Variants in DCDC2C observed in about 807,000 individuals in gnomAD.
The protein encoded by DCDC2C is doublecortin domain-containing protein 2C.
Under a neutral mutation model 45.0 loss-of-function variants are expected in DCDC2C, and 44 were observed. The ratio of observed to expected loss-of-function variants is 0.98; its 90% CI spans 0.77 to 1.26. DCDC2C has a LOEUF of 1.26. DCDC2C is among the 50% of genes most tolerant of loss of function. DCDC2C has a pLI of 0.00. For synonymous variants in DCDC2C, 187 were observed against 178.8 expected (o/e 1.05, Z -0.37); for missense variants, 447 against 468.9 (o/e 0.95, Z 0.43).
intron 1 of DCDC2C, among the ~76,000 whole-genome samples, chr2:3,704,764 G>T (rs1336493157): frequency 6.7e-6 from 1 of 150,252 alleles, no homozygotes; most frequent in African/African-American, 2.5e-5. Flanking sequence ...GGAATGGGGC[G>T]GGTTGGGCAG....
chr2:3,819,552 G>C (rs529491536), intron 10 of DCDC2C, among the ~76,000 whole-genome samples: 1 of 152,162 alleles, frequency 6.6e-6, no homozygotes, highest in Non-Finnish European at 1.5e-5. Flanking sequence ...TTTGAGGGCC[G>C]GAATCTAATT....
chr2:3,789,061 A>G (rs1254350808), intron 10 of DCDC2C, among the ~76,000 whole-genome samples: 1 of 151,968 alleles, frequency 6.6e-6, no homozygotes, highest in Non-Finnish European at 1.5e-5. Flanking sequence ...CATGTTGGCC[A>G]GGCTGATCTT....
At chr2:3,792,033 C>T (rs1430177274) in intron 10 of DCDC2C, among the ~76,000 whole-genome samples, 1 of 152,044 alleles carries the variant, frequency 6.6e-6, no homozygotes, top group Non-Finnish European at 1.5e-5. Flanking sequence ...TTATCTGTTA[C>T]AGAAAATTGG....
Position 3,793,746 on chromosome 2 carries a change from A to G in DCDC2C, c.1065+8646A>G, listed in dbSNP as rs555084635. Among the ~76,000 whole-genome samples, 56 of 152,366 alleles carry G rather than the reference A, an allele frequency of 3.7e-4. No individual in the cohort carries two copies. The South Asian group carries it at 0.011, about 31-fold the overall frequency. On this transcript the variant is annotated intron_variant, in intron 10 of 10. Transcript: ENST00000399143. ...CATTCTATGCCAGGTTCAGACACAGATGCAGCAAGGTGTAGACCAGGTCAC... is the reference window on the plus strand; with the variant it reads ...CATTCTATGCCAGGTTCAGACACAGGTGCAGCAAGGTGTAGACCAGGTCAC...
At chr2:3,721,004 G>A (rs770512650) in intron 2 of DCDC2C, among the ~76,000 whole-genome samples, 7 of 151,888 alleles carry the variant, frequency 4.6e-5, no homozygotes, top group Non-Finnish European at 8.8e-5. Flanking sequence ...CTTTTGATTC[G>A]TTCATTTCGT....
At chr2:3,754,535 T>C (rs1238749061) in intron 5 of DCDC2C, 57 bp from the exon 6 acceptor site, 15 of 1,527,062 alleles carry the variant, frequency 9.8e-6, no homozygotes, top group Non-Finnish European at 1.3e-5. Flanking sequence ...CTGCATTTTA[T>C]AGAGATAACT....
chr2:3,718,625 G>A (rs1215271568), intron 2 of DCDC2C, among the ~76,000 whole-genome samples: 1 of 152,138 alleles, frequency 6.6e-6, no homozygotes, highest in African/African-American at 2.4e-5. Context: ...TACAAAAGAT[G>A]GGGGTCTGTT....
rs193117636 is a variant in DCDC2C at position 3,803,716 on chromosome 2, G to A, written c.1065+18616G>A. Among the ~76,000 whole-genome samples the A allele has an allele frequency of 3.2e-3, 492 of 152,204 alleles. 6 individuals carry two copies. Among genetic ancestry groups the A allele is most frequent in the African/African-American group, 0.011 (440 of 41,530 alleles). ...TGTTCTCTCAGCTGCTCAGGCCCTC[G>A]AGGCCTGAGCCTGGTATTCAGTGCC... On this transcript the variant is annotated intron_variant, in intron 10 of 10. Transcript: ENST00000399143.
At chr2:3,813,065 ATATTTTTTT>A (rs564342178) in intron 10 of DCDC2C, among the ~76,000 whole-genome samples, 4,114 of 28,778 alleles carry the variant, frequency 0.14, 278 homozygotes, top group African/African-American at 0.34. Flanking sequence ...ATATATATAT[ATATTTTTTT>A]TTTTTTGCTG....
At chr2:3,756,954 A>C (rs548013014) in intron 6 of DCDC2C, among the ~76,000 whole-genome samples, 78 of 152,310 alleles carry the variant, frequency 5.1e-4, no homozygotes, top group African/African-American at 1.7e-3. Context: ...GTGTTTGTTG[A>C]ATGGATGAAT....
intron 10 of DCDC2C, among the ~76,000 whole-genome samples, chr2:3,811,963 G>C (rs1671407537): frequency 6.6e-6 from 1 of 152,208 alleles, no homozygotes; most frequent in Non-Finnish European, 1.5e-5. Context: ...TTTTTAACGT[G>C]CTGCTGGATT....
intron 10 of DCDC2C, among the ~76,000 whole-genome samples, chr2:3,798,288 G>C (rs1235820173): frequency 7.2e-5 from 11 of 151,862 alleles, no homozygotes; most frequent in East Asian, 5.8e-4. Context: ...TGGGTTTCCT[G>C]AATACAGCAC....
intron 10 of DCDC2C, among the ~76,000 whole-genome samples, chr2:3,806,379 T>G (rs1017402722): frequency 6.6e-6 from 1 of 152,190 alleles, no homozygotes; most frequent in Non-Finnish European, 1.5e-5. Context: ...ACAGGTGACT[T>G]CTGTTCTGCA....
In DCDC2C at chr2:3,703,965, G is replaced by T; in HGVS notation, c.214G>T (p.Val72Leu). 1 of 1,312,232 alleles carries T rather than the reference G, an allele frequency of 7.6e-7. No homozygotes were observed. Among genetic ancestry groups the T allele is most frequent in the African/African-American group, 1.5e-5 (1 of 64,990 alleles). The allele number at this position is 1,312,232 out of a possible 1,614,324, so 81.3% of individuals were successfully genotyped here. A position where few individuals can be genotyped will look rare whatever the true frequency, so the allele number is the denominator to read the frequency against. The change falls in exon 1 of 11, where the codon GTG (valine) becomes TTG (leucine). Residue 72 changes from valine (V) to leucine (L), a missense_variant. Val to Leu is a conservative substitution (Grantham distance 32). Coordinates refer to ENST00000399143, the MANE Select transcript of DCDC2C (RefSeq NM_001287444.2). The surrounding 1 kb of genome is among the most constrained non-coding windows in gnomAD (Gnocchi z 4.4). ...CTTCACGCCCACGCGTGGGCACCGG[G>T]TGCTGGGGCTGGACGCGCTGCAGGC... ...RLFTPTRGHR[V>L]LGLDALQAGG...
At chr2:3,808,098 A>G (rs184750944) in intron 10 of DCDC2C, among the ~76,000 whole-genome samples, 1 of 152,352 alleles carries the variant, frequency 6.6e-6, no homozygotes, top group Non-Finnish European at 1.5e-5. Context: ...GAAGCTGGCA[A>G]ACTTTTGCTA....
chr2:3,752,611 A>T (rs1024499829), intron 4 of DCDC2C, 152 bp from the exon 5 acceptor site: 3 of 893,972 alleles, frequency 3.4e-6, no homozygotes, highest in East Asian at 2.7e-5. Flanking sequence ...CGTCGGGTTT[A>T]ATTGGCCCGT....
At chr2:3,728,831 G>C (rs1030236151) in intron 3 of DCDC2C, among the ~76,000 whole-genome samples, 3 of 152,230 alleles carry the variant, frequency 2.0e-5, no homozygotes, top group African/African-American at 7.2e-5. Context: ...ATGGCTTGTT[G>C]AGCTGTGTTC....
At chr2:3,781,140 G>C (rs1016523331) in intron 9 of DCDC2C, among the ~76,000 whole-genome samples, 1 of 152,154 alleles carries the variant, frequency 6.6e-6, no homozygotes, top group Non-Finnish European at 1.5e-5. Flanking sequence ...CGTTTTTGAG[G>C]GCTCAAGAAG....
intron 2 of DCDC2C, among the ~76,000 whole-genome samples, chr2:3,722,352 G>T (rs1572558314): frequency 6.6e-6 from 1 of 152,210 alleles, no homozygotes; most frequent in East Asian, 1.9e-4. Context: ...GTATGTTGTT[G>T]GGAAGATGAT....
Sources: allele counts gnomAD v4.1 joint callset (sites outside exome capture counted in the v4.1 genomes callset), GRCh38; gene constraint gnomAD v4.1.1; non-coding constraint Gnocchi (gnomAD v3.1); transcripts MANE v1.5; gene names NCBI Gene and HGNC (gene_info 2026-07-23, HGNC 2026-07-21).